ABTB3: variants seen among roughly 807,000 people sequenced by gnomAD.
The protein encoded by ABTB3 is ankyrin repeat- and BTB/POZ domain-containing protein 3.
chr12:107,494,423 G>T, the ABTB3 span, among the ~76,000 whole-genome samples: 1 of 152,150 alleles, frequency 6.6e-6, no homozygotes, highest in African/African-American at 2.4e-5. Context: ...GGTAGGAGCT[G>T]GTCAGGAATC....
the ABTB3 span, among the ~76,000 whole-genome samples, chr12:107,521,422 C>T: frequency 6.6e-6 from 1 of 152,064 alleles, no homozygotes; most frequent in Admixed American, 6.6e-5. Context: ...TGCTGACTCT[C>T]TTCATCAGGG....
chr12:107,514,799 T>C, the ABTB3 span, among the ~76,000 whole-genome samples: 2 of 152,218 alleles, frequency 1.3e-5, no homozygotes, highest in Non-Finnish European at 2.9e-5. Flanking sequence ...CTCTCAAAGC[T>C]TCTTTGAATA....
chr12:107,576,069 A>G, the ABTB3 span, among the ~76,000 whole-genome samples: 2 of 152,226 alleles, frequency 1.3e-5, no homozygotes, highest in African/African-American at 2.4e-5. Flanking sequence ...ACAATCTTCA[A>G]ATGGCTTTGA....
At chr12:107,493,700 T>G in the ABTB3 span, among the ~76,000 whole-genome samples, 1 of 152,176 alleles carries the variant, frequency 6.6e-6, no homozygotes, top group Admixed American at 6.5e-5. Flanking sequence ...TCCTGGATAG[T>G]GTGGGCTCCT....
chr12:107,407,965 T>A, the ABTB3 span, among the ~76,000 whole-genome samples: 1 of 152,074 alleles, frequency 6.6e-6, no homozygotes, highest in African/African-American at 2.4e-5. Flanking sequence ...TGCAAAGTCC[T>A]GGAATGCTTC....
At chr12:107,442,213 ATGAGTGAG>A in the ABTB3 span, among the ~76,000 whole-genome samples, 1 of 152,220 alleles carries the variant, frequency 6.6e-6, no homozygotes, top group Non-Finnish European at 1.5e-5. Flanking sequence ...AAATGTATAG[ATGAGTGAG>A]TGAGTGGATG....
chr12:107,438,150 C>G, the ABTB3 span, among the ~76,000 whole-genome samples: 48 of 152,156 alleles, frequency 3.2e-4, no homozygotes, highest in Admixed American at 3.1e-3. Context: ...GGCATCGAGT[C>G]ACCCCTGTGT....
the ABTB3 span, among the ~76,000 whole-genome samples, chr12:107,453,977 A>G: frequency 6.6e-6 from 1 of 152,190 alleles, no homozygotes; most frequent in African/African-American, 2.4e-5. Flanking sequence ...AGGGGTGGAA[A>G]TCCAGGAATG....
At chr12:107,355,550 C>G in the ABTB3 span, among the ~76,000 whole-genome samples, 2 of 152,172 alleles carry the variant, frequency 1.3e-5, no homozygotes, top group African/African-American at 4.8e-5. Flanking sequence ...CCACCCTCAT[C>G]CCCCACCCTG....
the ABTB3 span, among the ~76,000 whole-genome samples, chr12:107,450,787 T>C: frequency 6.6e-6 from 1 of 152,060 alleles, no homozygotes; most frequent in Non-Finnish European, 1.5e-5. Flanking sequence ...TTGGGAGAGG[T>C]GGAGGACTGA....
the ABTB3 span, among the ~76,000 whole-genome samples, chr12:107,456,212 G>A: frequency 6.6e-6 from 1 of 152,188 alleles, no homozygotes; most frequent in Non-Finnish European, 1.5e-5. Context: ...CACAGATAAG[G>A]AAACAGAAGC....
the ABTB3 span, among the ~76,000 whole-genome samples, chr12:107,456,255 C>T: frequency 2.0e-5 from 3 of 152,208 alleles, no homozygotes; most frequent in African/African-American, 7.2e-5. Flanking sequence ...GGGTCCCCAA[C>T]CCCTGAGCTA....
chr12:107,425,129 C>T, the ABTB3 span, among the ~76,000 whole-genome samples: 5 of 152,312 alleles, frequency 3.3e-5, no homozygotes, highest in East Asian at 1.9e-4. Flanking sequence ...TCTGCCTTCC[C>T]GGCTTTATCT....
the ABTB3 span, among the ~76,000 whole-genome samples, chr12:107,609,625 A>G: frequency 6.6e-6 from 1 of 152,232 alleles, no homozygotes; most frequent in Non-Finnish European, 1.5e-5. Context: ...CTCACCAGAC[A>G]AGGCCCTTGC....
the ABTB3 span, among the ~76,000 whole-genome samples, chr12:107,560,684 T>C: frequency 6.6e-6 from 1 of 152,192 alleles, no homozygotes; most frequent in Non-Finnish European, 1.5e-5. Context: ...AGAGGGCTGC[T>C]CTAGGGATTG....
At chr12:107,419,759 A>G in the ABTB3 span, among the ~76,000 whole-genome samples, 1 of 152,188 alleles carries the variant, frequency 6.6e-6, no homozygotes, top group African/African-American at 2.4e-5. Flanking sequence ...AGTTATTTAC[A>G]TGATCGTCCT....
At chr12:107,364,012 T>C in the ABTB3 span, among the ~76,000 whole-genome samples, 2 of 152,234 alleles carry the variant, frequency 1.3e-5, no homozygotes, top group Non-Finnish European at 2.9e-5. Context: ...ATAGAGTTAT[T>C]GTGAGGATTT....
At chr12:107,439,177 A>G in the ABTB3 span, among the ~76,000 whole-genome samples, 2 of 152,330 alleles carry the variant, frequency 1.3e-5, no homozygotes, top group South Asian at 4.1e-4. Flanking sequence ...TGCAGATAAC[A>G]GCACTTCAGT....
the ABTB3 span, among the ~76,000 whole-genome samples, chr12:107,648,415 A>AC: frequency 1.3e-5 from 1 of 76,586 alleles, no homozygotes; most frequent in Non-Finnish European, 2.9e-5. Flanking sequence ...CACACACACA[A>AC]AGACAATAGG....
Sources: allele counts gnomAD v4.1 joint callset (sites outside exome capture counted in the v4.1 genomes callset), GRCh38; gene constraint gnomAD v4.1.1; transcripts MANE v1.5; gene names NCBI Gene and HGNC (gene_info 2026-07-23, HGNC 2026-07-21).